The following JPT2 variants were observed in gnomAD, a reference collection of about 807,000 sequenced individuals.
JPT2 encodes Jupiter microtubule associated homolog 2, also known as CRAMP_1 like.
A neutral mutation model predicts 15.9 loss-of-function variants in JPT2; 9 were observed. The observed-to-expected ratio is 0.57, with a 90% CI of 0.34 to 0.99. The LOEUF is 0.99. Among genes scored for constraint, JPT2 ranks in the 50% least tolerant of loss-of-function variants. The pLI, the probability that JPT2 is intolerant of heterozygous loss-of-function variation, is 0.02. For synonymous variants in JPT2, 95 were observed against 91.7 expected, an observed-to-expected ratio of 1.04 and a Z score of -0.21; for missense variants, 267 against 252.1, an observed-to-expected ratio of 1.06 and a Z score of -0.40.
intron 1 of JPT2, among the ~76,000 whole-genome samples, chr16:1,680,100 C>T (rs1171585590): frequency 6.6e-6 from 1 of 152,192 alleles, no homozygotes; most frequent in Non-Finnish European, 1.5e-5. Flanking sequence ...ATTATTATGC[C>T]TAGGTCTGCA....
chr16:1,684,165 G>T (rs1023937283), intron 1 of JPT2, among the ~76,000 whole-genome samples: 1 of 152,192 alleles, frequency 6.6e-6, no homozygotes, highest in African/African-American at 2.4e-5. Context: ...ATCTGAGGTT[G>T]GTTGAATCCA....
At chr16:1,694,683 C>T (rs1168314613) in intron 3 of JPT2, among the ~76,000 whole-genome samples, 1 of 151,120 alleles carries the variant, frequency 6.6e-6, no homozygotes, top group African/African-American at 2.4e-5. Flanking sequence ...TAAAGCCTTC[C>T]AAAGGGCTTT....
intron 1 of JPT2, among the ~76,000 whole-genome samples, chr16:1,681,811 G>C (rs911217056): frequency 2.6e-5 from 4 of 152,234 alleles, no homozygotes; most frequent in African/African-American, 9.6e-5. Context: ...TGTGAATGTA[G>C]GGAATGTGGG....
chr16:1,680,424 A>G, intron 1 of JPT2: 2 of 1,189,454 alleles, frequency 1.7e-6, no homozygotes. Context: ...TTTCTGGACA[A>G]GGTGTTGAGA....
chr16:1,697,127 A>G (rs2037147665), intron 3 of JPT2, among the ~76,000 whole-genome samples: 1 of 152,242 alleles, frequency 6.6e-6, no homozygotes, highest in African/African-American at 2.4e-5. Context: ...AGCCATAGAA[A>G]GGAATGGAGC....
chr16:1,693,636 A>C (rs1370109471), intron 3 of JPT2, among the ~76,000 whole-genome samples: 2 of 152,166 alleles, frequency 1.3e-5, no homozygotes, highest in Non-Finnish European at 2.9e-5. Flanking sequence ...GCATAGAACA[A>C]GTGGAAACAG....
chr16:1,692,637 T>C (rs774100114), intron 3 of JPT2, among the ~76,000 whole-genome samples: 116 of 152,326 alleles, frequency 7.6e-4, no homozygotes, highest in Middle Eastern at 3.4e-3. Context: ...GACCAGAGCC[T>C]GCACTACCCT....
rs117345360 is a variant in JPT2 at position 1,679,138 on chromosome 16, G to A, written c.44+782G>A. The stretch of plus-strand genomic sequence containing the variant: ...TATTGGGACTCGCATGAATTAGAGG[G>A]ACAGAGCTTACAAGGTCTTTCGTGC... On this transcript the variant is annotated intron_variant, in intron 1 of 4. Coordinates refer to ENST00000248098, the MANE Select transcript of JPT2 (RefSeq NM_144570.3). Among the ~76,000 whole-genome samples, 44 of 152,360 alleles carry A rather than the reference G, an allele frequency of 2.9e-4. 2 individuals are homozygous for A. The East Asian group carries it at 6.8e-3, about 23-fold the overall frequency.
At chr16:1,682,157 C>G (rs981721659) in intron 1 of JPT2, among the ~76,000 whole-genome samples, 9 of 151,964 alleles carry the variant, frequency 5.9e-5, no homozygotes, top group African/African-American at 2.2e-4. Flanking sequence ...GGGCGGATCA[C>G]TTGAGGTCAG....
intron 1 of JPT2, 84 bp from the exon 2 acceptor site, chr16:1,685,355 C>G (rs2037056566): frequency 2.1e-6 from 3 of 1,396,700 alleles, no homozygotes; most frequent in Non-Finnish European, 3.0e-6. Flanking sequence ...ATACTTTTAC[C>G]CTGTCTAGTT....
chr16:1,697,896 C>G lies in JPT2; in HGVS notation c.385+36C>G, dbSNP rs751724537. 3.1e-6 allele frequency: 5 copies of G among 1,589,112 alleles called. No homozygotes were observed. The Admixed American group carries it at 6.8e-5, about 21-fold the overall frequency. On this transcript the variant is annotated intron_variant, in intron 4 of 4. Transcript: ENST00000248098. ...GTTTTCTTTCCCTTCTCCTGAGTGG[C>G]CTCATTATTTCTGGAAGAGTTGCTA...
chr16:1,691,112 G>GGGTGC (rs1388947154), intron 2 of JPT2, among the ~76,000 whole-genome samples: 1 of 152,232 alleles, frequency 6.6e-6, no homozygotes, highest in African/African-American at 2.4e-5. Flanking sequence ...TGTCAAAAGT[G>GGGTGC]GGTGCTTGGT....
At chr16:1,702,437 C>A (rs1342797627), downstream of JPT2, among the ~76,000 whole-genome samples, 1 of 152,232 alleles carries the variant, frequency 6.6e-6, no homozygotes, top group Non-Finnish European at 1.5e-5. Flanking sequence ...CTCCAGAGGC[C>A]TGGCAGTGGC....
rs1015826181 is a variant in JPT2, at chr16:1,701,572, G to A, written c.*2574G>A. ...CTTCTCAAAGCTTTGAGTAGAGTAAGTGTGGGAATAAGCCAGTTTTTTTTT... is the reference window on the plus strand; with the variant it reads ...CTTCTCAAAGCTTTGAGTAGAGTAAATGTGGGAATAAGCCAGTTTTTTTTT... On this transcript the variant is annotated 3_prime_UTR_variant, in exon 5 of 5. Transcript: ENST00000248098. The A allele has an allele frequency of 6.6e-6, 1 of 152,184 alleles. No individual in the cohort carries two copies. The highest frequency in any genetic ancestry group is 1.5e-5 in the Non-Finnish European group (1 of 68,130). 9.4% of individuals were successfully genotyped at this position (152,184 alleles called of 1,614,324 possible).
At chr16:1,693,023 C>T (rs753102088) in intron 3 of JPT2, among the ~76,000 whole-genome samples, 6 of 152,182 alleles carry the variant, frequency 3.9e-5, no homozygotes, top group Non-Finnish European at 7.3e-5. Context: ...ATCTCTGCAG[C>T]GACATCTCTT....
At chr16:1,683,580 C>T in intron 1 of JPT2, 1 of 1,535,428 alleles carries the variant, frequency 6.5e-7, no homozygotes, top group Non-Finnish European at 8.7e-7. Flanking sequence ...GGGCCCTGGG[C>T]ACCACTTCAG....
Position 1,699,229 on chromosome 16 carries a change from T to C in JPT2, c.*231T>C. On this transcript the variant is annotated 3_prime_UTR_variant, in exon 5 of 5. Transcript: ENST00000248098. ...ATGGGGCACCCCTGGCCATCACTCA[T>C]GTGTAGTCCAGGTTTGAGAGGAACT... is the stretch of plus-strand genomic sequence containing the variant. The C allele has an allele frequency of 1.6e-6, 1 of 625,840 alleles. No homozygotes were observed. Among genetic ancestry groups the C allele is most frequent in the Non-Finnish European group, 3.0e-6 (1 of 338,720 alleles). The allele number at this position is 625,840 out of a possible 1,614,324, so 38.8% of individuals were successfully genotyped here. A position where few individuals can be genotyped will look rare whatever the true frequency, so the allele number is the denominator to read the frequency against.
intron 2 of JPT2, chr16:1,689,152 T>A (rs565169082): frequency 5.9e-5 from 9 of 152,292 alleles, no homozygotes; most frequent in African/African-American, 1.7e-4. Context: ...AACTATTTTT[T>A]AAAAATGAGT....
intron 3 of JPT2, among the ~76,000 whole-genome samples, chr16:1,694,571 C>T (rs1456326616): frequency 2.6e-5 from 4 of 152,210 alleles, no homozygotes; most frequent in Non-Finnish European, 4.4e-5. Context: ...CTCTTACTTC[C>T]TGCTCTCAAA....
Sources: allele counts gnomAD v4.1 joint callset (sites outside exome capture counted in the v4.1 genomes callset), GRCh38; gene constraint gnomAD v4.1.1; transcripts MANE v1.5; gene names NCBI Gene and HGNC (gene_info 2026-07-23, HGNC 2026-07-21).